The following CLMP variants were observed in gnomAD, a reference collection of about 807,000 sequenced individuals.
The protein encoded by CLMP is CXADR like cell adhesion molecule, also known as CXADR-like membrane protein.
In CLMP, 27 loss-of-function variants were observed where a neutral mutation model predicts 45.2. The ratio of observed to expected loss-of-function variants is 0.60; its 90% CI spans 0.44 to 0.82. CLMP has a LOEUF of 0.82. CLMP is among the 40% of genes least tolerant of loss of function. The pLI is 0.00. For missense variants in CLMP, 403 were observed against 448.4 expected, an observed-to-expected ratio of 0.90 and a Z score of 0.91; for synonymous variants, 167 against 171.4, an observed-to-expected ratio of 0.97 and a Z score of 0.20.
chr11:123,165,883 C>T (rs1355506018), intron 1 of CLMP, among the ~76,000 whole-genome samples: 1 of 152,198 alleles, frequency 6.6e-6, no homozygotes, highest in Non-Finnish European at 1.5e-5. Flanking sequence ...AGAGGCCGGC[C>T]TTCCCACAGT....
chr11:123,176,379 AT>A (rs1488114801), intron 1 of CLMP, among the ~76,000 whole-genome samples: 1 of 152,204 alleles, frequency 6.6e-6, no homozygotes, highest in African/African-American at 2.4e-5. Context: ...TCACACTTTG[AT>A]GTATAAAGAT....
chr11:123,152,566 A>AT lies in CLMP; in HGVS notation c.28+42346_28+42347insA, dbSNP rs1555084855. On this transcript the variant is annotated intron_variant, in intron 1 of 6. Coordinates refer to ENST00000448775, the MANE Select transcript of CLMP (RefSeq NM_024769.5). ...AATAAATAAATAAATAAATAAATAA[A>AT]AAATAAATAAAATGAAAGCTAAGGA... is the stretch of plus-strand genomic sequence containing the variant. Among the ~76,000 whole-genome samples the AT allele has an allele frequency of 3.8e-3, 550 of 144,002 alleles. 4 individuals are homozygous for AT. Among genetic ancestry groups the AT allele is most frequent in the African/African-American group, 0.014 (501 of 36,198 alleles). The allele number at this position is 144,002 out of a possible 152,430, so 94.5% of individuals were successfully genotyped here. A position where few individuals can be genotyped will look rare whatever the true frequency, so the allele number is the denominator to read the frequency against.
intron 1 of CLMP, among the ~76,000 whole-genome samples, chr11:123,177,454 G>T (rs7929006): frequency 0.5 from 75,900 of 151,964 alleles, 20,308 homozygotes; most frequent in East Asian, 0.68. Context: ...TTACATTTAC[G>T]TCATCTTTCA....
intron 1 of CLMP, among the ~76,000 whole-genome samples, chr11:123,115,229 G>A (rs1254582206): frequency 2.0e-5 from 3 of 150,762 alleles, no homozygotes; most frequent in Admixed American, 6.6e-5. Context: ...TTTTTTTTTG[G>A]TAGAGACAAG....
intron 1 of CLMP, among the ~76,000 whole-genome samples, chr11:123,145,800 C>T (rs1861230510): frequency 6.6e-6 from 1 of 152,140 alleles, no homozygotes; most frequent in African/African-American, 2.4e-5. Context: ...GAGCTGTGCT[C>T]CTCACTGTGT....
chr11:123,145,977 G>A (rs928845672), intron 1 of CLMP, among the ~76,000 whole-genome samples: 2 of 152,192 alleles, frequency 1.3e-5, no homozygotes, highest in African/African-American at 4.8e-5. Flanking sequence ...CTGGGCCTGC[G>A]CAGATAGCTC....
rs150484576 is a variant in CLMP at position 123,185,813 on chromosome 11, A to G, written c.28+9100T>C. On this transcript the variant is annotated intron_variant, in intron 1 of 6. Transcript: ENST00000448775. ...CTTTGCTGTTCAGGTCAGTGGGAAG[A>G]AAAAAACAAACAGATTTTTCTTCTC... is the stretch of plus-strand genomic sequence containing the variant. Among the ~76,000 whole-genome samples, 11 of 152,340 alleles carry G rather than the reference A, an allele frequency of 7.2e-5. No individual in the cohort carries two copies. The East Asian group carries it at 1.9e-3, about 27-fold the overall frequency.
At chr11:123,129,462 TC>T in intron 1 of CLMP, among the ~76,000 whole-genome samples, 1 of 140,666 alleles carries the variant, frequency 7.1e-6, no homozygotes, top group Admixed American at 7.6e-5. Flanking sequence ...ATAAAATATA[TC>T]ATATGATATA....
chr11:123,136,358 T>G lies in CLMP; in HGVS notation c.29-38406A>C, dbSNP rs1052566245. 5.3e-6 allele frequency: 3 copies of G among 566,158 alleles called. No individual in the cohort carries two copies. The African/African-American group carries it at 5.7e-5, about 11-fold the overall frequency. 35.1% of individuals were successfully genotyped at this position (566,158 alleles called of 1,614,324 possible). On this transcript the variant is annotated intron_variant, in intron 1 of 6. Transcript: ENST00000448775. ...GTAAGAGTCGTCCTCACTTTCATAT[T>G]CTTGGGGAGCCGGGTTCAGGTTGCC...
chr11:123,092,659 G>A (rs1410852591), intron 2 of CLMP, among the ~76,000 whole-genome samples: 1 of 150,338 alleles, frequency 6.7e-6, no homozygotes, highest in African/African-American at 2.5e-5. Context: ...GTACAGTGAT[G>A]CAATCTCAGC....
At chr11:123,166,664 A>C (rs1591484189) in intron 1 of CLMP, among the ~76,000 whole-genome samples, 1 of 152,194 alleles carries the variant, frequency 6.6e-6, no homozygotes, top group Non-Finnish European at 1.5e-5. Flanking sequence ...TAAGAGCTCC[A>C]CCATCTCAGA....
rs970458158 is a variant in CLMP at position 123,070,727 on chromosome 11, C to G, written c.*2747G>C. 1.3e-5 allele frequency: 2 copies of G among 152,056 alleles called. No individual in the cohort carries two copies. Among genetic ancestry groups the G allele is most frequent in the African/African-American group, 4.8e-5 (2 of 41,398 alleles). 9.4% of individuals were successfully genotyped at this position (152,056 alleles called of 1,614,324 possible). A position where few individuals can be genotyped will look rare whatever the true frequency, so the allele number is the denominator to read the frequency against. On this transcript the variant is annotated 3_prime_UTR_variant, in exon 7 of 7. Coordinates refer to ENST00000448775, the MANE Select transcript of CLMP (RefSeq NM_024769.5). ...CAGAAGTGATATGTTGCCTGGATAC[C>G]ACACTACCAGAGGAATAAAAATGTA...
intron 1 of CLMP, among the ~76,000 whole-genome samples, chr11:123,126,741 C>CA (rs1356007974): frequency 2.0e-5 from 3 of 151,832 alleles, no homozygotes; most frequent in African/African-American, 7.3e-5. Flanking sequence ...ACTAAAAATA[C>CA]AAAAAATTAG....
At chr11:123,136,165 A>T in intron 1 of CLMP, 1 of 630,992 alleles carries the variant, frequency 1.6e-6, no homozygotes, top group Non-Finnish European at 3.1e-6. Flanking sequence ...CAGTTGCTGC[A>T]AGTTTTCAAA....
At chr11:123,134,034 C>T (rs375961084) in intron 1 of CLMP, among the ~76,000 whole-genome samples, 14 of 152,074 alleles carry the variant, frequency 9.2e-5, no homozygotes, top group South Asian at 4.2e-4. Context: ...CCAAGGTGGG[C>T]GGATCACTTG....
intron 1 of CLMP, among the ~76,000 whole-genome samples, chr11:123,137,263 C>T (rs1166357071): frequency 6.7e-6 from 1 of 148,304 alleles, no homozygotes; most frequent in East Asian, 2.0e-4. Context: ...ACGCCATTCT[C>T]CTGCCTCAGC....
chr11:123,085,093 C>T (rs1306870214), intron 2 of CLMP, among the ~76,000 whole-genome samples: 2 of 151,316 alleles, frequency 1.3e-5, no homozygotes, highest in Non-Finnish European at 2.9e-5. Flanking sequence ...TAAGCATAGA[C>T]TTATGAAAGG....
chr11:123,118,016 T>A (rs1487327516), intron 1 of CLMP, among the ~76,000 whole-genome samples: 1 of 152,210 alleles, frequency 6.6e-6, no homozygotes, highest in Non-Finnish European at 1.5e-5. Flanking sequence ...TGGAATATAT[T>A]CTTATGAATG....
intron 1 of CLMP, among the ~76,000 whole-genome samples, chr11:123,113,828 C>CA (rs1170824984): frequency 3.3e-5 from 5 of 152,202 alleles, no homozygotes; most frequent in African/African-American, 1.2e-4. Context: ...TTCAGAAATA[C>CA]AGCAGGTACC....
Sources: allele counts gnomAD v4.1 joint callset (sites outside exome capture counted in the v4.1 genomes callset), GRCh38; gene constraint gnomAD v4.1.1; transcripts MANE v1.5; gene names NCBI Gene and HGNC (gene_info 2026-07-23, HGNC 2026-07-21).